DNAH6: variants seen among roughly 807,000 people sequenced by gnomAD.
DNAH6 encodes the protein dynein axonemal heavy chain 6.
DNAH6 carries 340 observed loss-of-function variants against 491.4 expected under a neutral mutation model. The ratio of observed to expected loss-of-function variants is 0.69; its 90% CI spans 0.63 to 0.76. DNAH6 has a LOEUF of 0.76. DNAH6 is among the 30% of genes least tolerant of loss of function. The probability of loss-of-function intolerance (pLI) is 0.00; values close to 1 mark genes in which losing one functional copy is unlikely to be tolerated. For synonymous variants in DNAH6, 1,603 were observed against 1,686.1 expected (o/e 0.95, Z 1.21); for missense variants, 4,443 against 4,972.2 (o/e 0.89, Z 3.20).
chr2:84,534,273 A>G (rs1215264351), intron 4 of DNAH6, among the ~76,000 whole-genome samples: 4 of 152,112 alleles, frequency 2.6e-5, no homozygotes, highest in Non-Finnish European at 2.9e-5. Flanking sequence ...TTTTTTAAAA[A>G]AAAACACAAT....
At chr2:84,785,932 C>T (rs1423541866) in intron 67 of DNAH6, among the ~76,000 whole-genome samples, 176 bp downstream of exon 67, 1 of 152,200 alleles carries the variant, frequency 6.6e-6, no homozygotes. Flanking sequence ...TCGTATTTCA[C>T]AGCTTCAGCT....
At chr2:84,704,684 G>C (rs1369527380) in intron 51 of DNAH6, among the ~76,000 whole-genome samples, 2 of 152,236 alleles carry the variant, frequency 1.3e-5, no homozygotes, top group Non-Finnish European at 1.5e-5. Context: ...TCAGGAATGA[G>C]CTTTAATGTT....
chr2:84,491,624 G>A, the DNAH6 span, among the ~76,000 whole-genome samples: 2 of 152,250 alleles, frequency 1.3e-5, no homozygotes, highest in Non-Finnish European at 2.9e-5. Context: ...CTTCATTGTG[G>A]ACATGATGTC....
chr2:84,807,894 C>A (rs1339449106), intron 71 of DNAH6, among the ~76,000 whole-genome samples: 1 of 152,162 alleles, frequency 6.6e-6, no homozygotes, highest in Non-Finnish European at 1.5e-5. Flanking sequence ...TCCCCACAGT[C>A]AACCAGAATG....
At chr2:84,479,332 C>G in the DNAH6 span, among the ~76,000 whole-genome samples, 1 of 152,220 alleles carries the variant, frequency 6.6e-6, no homozygotes, top group African/African-American at 2.4e-5. Flanking sequence ...CAGAATGTCC[C>G]TGCCTCCTGT....
At chr2:84,702,470 T>G (rs1696003142) in intron 49 of DNAH6, among the ~76,000 whole-genome samples, 1 of 152,136 alleles carries the variant, frequency 6.6e-6, no homozygotes, top group Admixed American at 6.6e-5. Context: ...TTCAGAGGGT[T>G]CTTACCTGGT....
chr2:84,698,278 T>TTTCCC (rs1282021309), intron 47 of DNAH6, among the ~76,000 whole-genome samples: 1 of 152,210 alleles, frequency 6.6e-6, no homozygotes, highest in East Asian at 1.9e-4. Flanking sequence ...ATCTTTACTG[T>TTTCCC]TTCCCTTTGT....
chr2:84,671,814 A>G (rs1427959207), intron 39 of DNAH6, among the ~76,000 whole-genome samples: 1 of 152,140 alleles, frequency 6.6e-6, no homozygotes, highest in African/African-American at 2.4e-5. Context: ...ATGAGTGTGT[A>G]TATTCATTTA....
chr2:84,609,176 A>G (rs1208067836), intron 21 of DNAH6, among the ~76,000 whole-genome samples: 1 of 152,198 alleles, frequency 6.6e-6, no homozygotes, highest in African/African-American at 2.4e-5. Flanking sequence ...TATTCAAACC[A>G]TTCAAACTTT....
chr2:84,734,362 G>A (rs1022308660), intron 62 of DNAH6, among the ~76,000 whole-genome samples: 11 of 151,784 alleles, frequency 7.2e-5, no homozygotes, highest in East Asian at 1.9e-4. Context: ...GGATGGTCTC[G>A]ATCTCCTGAC....
chr2:84,478,089 C>T, the DNAH6 span, among the ~76,000 whole-genome samples: 1 of 152,200 alleles, frequency 6.6e-6, no homozygotes, highest in Admixed American at 6.5e-5. Flanking sequence ...ACTGTAGGTA[C>T]TACTAATCCC....
chr2:84,670,261 A>G (rs1692601800), intron 38 of DNAH6, 67 bp from the exon 39 acceptor site: 1 of 1,142,196 alleles, frequency 8.8e-7, no homozygotes, highest in African/African-American at 1.6e-5. Flanking sequence ...CATTGTGCCA[A>G]ACTATTACAG....
intron 20 of DNAH6, among the ~76,000 whole-genome samples, chr2:84,606,334 T>C (rs1685761601): frequency 6.6e-6 from 1 of 152,104 alleles, no homozygotes; most frequent in Non-Finnish European, 1.5e-5. Context: ...GTCAGTAAGT[T>C]TAGGCCAATT....
rs904312298 is a variant in DNAH6, at chr2:84,544,384, A to G, written c.814A>G (p.Ile272Val). 2.5e-5 allele frequency: 38 copies of G among 1,546,250 alleles called. No homozygotes were observed. The highest frequency in any genetic ancestry group is 3.2e-5 in the Non-Finnish European group (36 of 1,142,168). ...TCACAGAGAACTCACTAAGATTCCC[A>G]TATTTTCACTGTTCCGGAAATGGAA... ...LYHRELTKIP[I>V]FSLFRKWKAF... Residue 272 changes from isoleucine (I) to valine (V), a missense_variant, in exon 5 of 77, where the codon ATA becomes GTA. This residue lies in a region of DNAH6 where 2,977 missense variants were observed against 3,296.6 expected (regional missense o/e 0.90). Coordinates refer to ENST00000389394, the MANE Select transcript of DNAH6 (RefSeq NM_001370.2).
intron 4 of DNAH6, among the ~76,000 whole-genome samples, chr2:84,532,286 A>G (rs1185139194): frequency 6.6e-6 from 1 of 152,198 alleles, no homozygotes; most frequent in Non-Finnish European, 1.5e-5. Flanking sequence ...TAATAGTAAT[A>G]TGTAAGTTCT....
chr2:84,519,627 C>A (rs1338774002), intron 2 of DNAH6, among the ~76,000 whole-genome samples: 1 of 149,364 alleles, frequency 6.7e-6, no homozygotes, highest in East Asian at 2.0e-4. Flanking sequence ...TCCTCTTCCC[C>A]CCTTCTTTCC....
chr2:84,712,396 G>C (rs961746814), intron 56 of DNAH6, among the ~76,000 whole-genome samples: 10 of 152,160 alleles, frequency 6.6e-5, no homozygotes, highest in African/African-American at 2.4e-4. Flanking sequence ...CATACGTCCT[G>C]ACATAAAGAT....
chr2:84,617,253 G>A (rs963182286), intron 23 of DNAH6, among the ~76,000 whole-genome samples: 3 of 151,864 alleles, frequency 2.0e-5, no homozygotes, highest in African/African-American at 7.3e-5. Flanking sequence ...GTGTTATGGG[G>A]TACATAACAT....
chr2:84,710,049 T>C (rs1406527258), intron 55 of DNAH6, among the ~76,000 whole-genome samples: 1 of 152,236 alleles, frequency 6.6e-6, no homozygotes, highest in Non-Finnish European at 1.5e-5. Flanking sequence ...ACCATAAGCA[T>C]GAACTCTGTT....
Sources: allele counts gnomAD v4.1 joint callset (sites outside exome capture counted in the v4.1 genomes callset), GRCh38; gene constraint gnomAD v4.1.1; regional missense constraint gnomAD v4.1.1; transcripts MANE v1.5; gene names NCBI Gene and HGNC (gene_info 2026-07-23, HGNC 2026-07-21).